PCDH7: variants seen among roughly 807,000 people sequenced by gnomAD.
PCDH7 encodes the protein protocadherin 7.
A neutral mutation model predicts 58.9 loss-of-function variants in PCDH7; 17 were observed. That is an observed-to-expected ratio of 0.29 (90% CI 0.20 to 0.43). The LOEUF (loss-of-function observed/expected upper bound fraction) is 0.43. Among genes scored for constraint, PCDH7 ranks in the 20% least tolerant of loss-of-function variants. PCDH7 has a pLI of 1.00. For synonymous variants in PCDH7, 664 were observed against 616.4 expected, an observed-to-expected ratio of 1.08 and a Z score of -1.14; for missense variants, 1,274 against 1,441.0, an observed-to-expected ratio of 0.88 and a Z score of 1.88.
At chr4:30,779,936 G>A (rs1722571810) in intron 1 of PCDH7, among the ~76,000 whole-genome samples, 1 of 152,056 alleles carries the variant, frequency 6.6e-6, no homozygotes. Context: ...AGGCAGCCTT[G>A]GCACATGAAT....
chr4:30,923,520 A>C (rs1347129439), intron 2 of PCDH7, among the ~76,000 whole-genome samples: 3 of 152,174 alleles, frequency 2.0e-5, no homozygotes, highest in Non-Finnish European at 4.4e-5. Context: ...CAAATGTAGA[A>C]TGAGGTTTTA....
At chr4:31,037,790 A>G (rs1006973639) in intron 3 of PCDH7, among the ~76,000 whole-genome samples, 2 of 152,154 alleles carry the variant, frequency 1.3e-5, no homozygotes, top group African/African-American at 2.4e-5. Context: ...TGAGGCCAGC[A>G]TTTGTGGTGT....
At chr4:31,055,894 T>C (rs967200865) in intron 3 of PCDH7, among the ~76,000 whole-genome samples, 1 of 152,152 alleles carries the variant, frequency 6.6e-6, no homozygotes, top group African/African-American at 2.4e-5. Flanking sequence ...ATAAAGGCTT[T>C]ATAATCTTCT....
At chr4:31,038,082 A>T (rs1021150335) in intron 3 of PCDH7, among the ~76,000 whole-genome samples, 1 of 152,252 alleles carries the variant, frequency 6.6e-6, no homozygotes, top group African/African-American at 2.4e-5. Flanking sequence ...CAATTCTAGA[A>T]TTATGGCTAA....
chr4:31,080,678 G>A lies in PCDH7; in HGVS notation c.*8-61795G>A, dbSNP rs543628371. 2.5e-3 allele frequency among the ~76,000 whole-genome samples: 374 copies of A among 152,248 alleles called. 1 individual carries two copies. The highest frequency in any genetic ancestry group is 8.9e-3 in the African/African-American group (370 of 41,542). On this transcript the variant is annotated intron_variant, in intron 3 of 3. Coordinates refer to the PCDH7 transcript ENST00000509759. ...AGCACAGTTTGTTTGTAGAGTTGAA[G>A]CCAGAGAAAGCTATAAAATGAAGAG... is the stretch of plus-strand genomic sequence containing the variant.
chr4:30,845,897 T>A (rs1213017717), intron 1 of PCDH7, among the ~76,000 whole-genome samples: 5 of 152,242 alleles, frequency 3.3e-5, no homozygotes, highest in African/African-American at 1.2e-4. Context: ...TTGGCCTCTC[T>A]ATTCTTATTT....
intron 1 of PCDH7, among the ~76,000 whole-genome samples, chr4:30,729,316 A>G (rs1023906395): frequency 4.6e-5 from 7 of 152,008 alleles, no homozygotes; most frequent in Admixed American, 4.6e-4. Context: ...ATTTATGACT[A>G]TATATTTGGC....
At chr4:31,037,981 G>T (rs1303851535) in intron 3 of PCDH7, among the ~76,000 whole-genome samples, 1 of 152,234 alleles carries the variant, frequency 6.6e-6, no homozygotes, top group Admixed American at 6.5e-5. Context: ...GCAATACTTG[G>T]AATTCAGGTA....
chr4:30,753,282 T>G (rs1718817869), intron 1 of PCDH7, among the ~76,000 whole-genome samples: 1 of 152,232 alleles, frequency 6.6e-6, no homozygotes, highest in African/African-American at 2.4e-5. Flanking sequence ...AAAAGAGAGA[T>G]AACCTTTACT....
At chr4:31,042,155 G>A (rs1450520894) in intron 3 of PCDH7, among the ~76,000 whole-genome samples, 3 of 152,128 alleles carry the variant, frequency 2.0e-5, no homozygotes, top group Non-Finnish European at 4.4e-5. Flanking sequence ...TCATTTGAAT[G>A]AGCATGTTTC....
At chr4:30,903,682 A>T (rs1318299467) in intron 1 of PCDH7, among the ~76,000 whole-genome samples, 2 of 152,156 alleles carry the variant, frequency 1.3e-5, no homozygotes, top group South Asian at 4.1e-4. Context: ...TGCTCAATTT[A>T]TAGTTGATGT....
At chr4:31,022,180 G>T (rs1490017212) in intron 3 of PCDH7, among the ~76,000 whole-genome samples, 1 of 152,186 alleles carries the variant, frequency 6.6e-6, no homozygotes, top group East Asian at 1.9e-4. Flanking sequence ...GCAACAGATT[G>T]TATGAGAGTG....
At chr4:30,961,649 T>C (rs1311993447) in intron 3 of PCDH7, among the ~76,000 whole-genome samples, 1 of 152,236 alleles carries the variant, frequency 6.6e-6, no homozygotes, top group African/African-American at 2.4e-5. Context: ...ATAGCCCTCT[T>C]TTCCCTGACT....
chr4:30,765,030 G>A (rs2109272590), intron 1 of PCDH7, among the ~76,000 whole-genome samples: 1 of 141,568 alleles, frequency 7.1e-6, no homozygotes, highest in East Asian at 2.2e-4. Flanking sequence ...GGTCTTTTTT[G>A]TTTTATCTGT....
At chr4:30,923,719 A>C (rs1743474870) in intron 2 of PCDH7, among the ~76,000 whole-genome samples, 1 of 152,162 alleles carries the variant, frequency 6.6e-6, no homozygotes, top group African/African-American at 2.4e-5. Context: ...CTTATTAGTT[A>C]TACATTTATT....
At chr4:31,086,518 T>C (rs1016947206) in intron 3 of PCDH7, among the ~76,000 whole-genome samples, 2 of 152,148 alleles carry the variant, frequency 1.3e-5, no homozygotes, top group Non-Finnish European at 2.9e-5. Context: ...ACTTAATAAG[T>C]ATTTTGTTTT....
intron 3 of PCDH7, among the ~76,000 whole-genome samples, chr4:31,073,400 A>T (rs946110383): frequency 1.3e-5 from 2 of 152,204 alleles, no homozygotes; most frequent in Non-Finnish European, 2.9e-5. Context: ...TGTGTCAATC[A>T]TTACAAAGAA....
At chr4:30,845,526 C>T (rs577270084) in intron 1 of PCDH7, among the ~76,000 whole-genome samples, 13 of 152,220 alleles carry the variant, frequency 8.5e-5, no homozygotes, top group South Asian at 6.2e-4. Context: ...CTTAAAAACA[C>T]ATGTTTTTAA....
downstream of PCDH7, chr4:31,144,263 C>T (rs1415798193): frequency 2.0e-5 from 3 of 152,122 alleles, no homozygotes; most frequent in Non-Finnish European, 4.4e-5. Context: ...ATTATTTAAA[C>T]AAATCTAGAC....
Sources: allele counts gnomAD v4.1 joint callset (sites outside exome capture counted in the v4.1 genomes callset), GRCh38; gene constraint gnomAD v4.1.1; transcripts MANE v1.5; gene names NCBI Gene and HGNC (gene_info 2026-07-23, HGNC 2026-07-21).